Variants in GRM7 observed in about 807,000 individuals in gnomAD.
GRM7 encodes metabotropic glutamate receptor 7.
GRM7 carries 35 observed loss-of-function variants against 84.5 expected under a neutral mutation model. That is an observed-to-expected ratio of 0.41 (90% CI 0.32 to 0.55). The LOEUF is 0.55. Among genes scored for constraint, GRM7 ranks in the 20% least tolerant of loss-of-function variants. The pLI is 0.19. For missense variants in GRM7, 1,003 were observed against 1,194.6 expected, an observed-to-expected ratio of 0.84 and a Z score of 2.36; for synonymous variants, 487 against 455.1, an observed-to-expected ratio of 1.07 and a Z score of -0.89.
chr3:7,340,684 C>T (rs764656729), intron 4 of GRM7, among the ~76,000 whole-genome samples: 34 of 152,154 alleles, frequency 2.2e-4, no homozygotes, highest in Non-Finnish European at 4.0e-4. Context: ...CCCTTGCCCT[C>T]AACCATAATA....
intron 5 of GRM7, among the ~76,000 whole-genome samples, chr3:7,442,188 C>A (rs1435286304): frequency 6.6e-6 from 1 of 151,920 alleles, no homozygotes; most frequent in Non-Finnish European, 1.5e-5. Flanking sequence ...TTTTAGATAT[C>A]TTTCACCTCC....
chr3:7,375,489 A>G (rs1694312296), intron 4 of GRM7, among the ~76,000 whole-genome samples: 1 of 152,084 alleles, frequency 6.6e-6, no homozygotes, highest in African/African-American at 2.4e-5. Context: ...AAGTGCTGGG[A>G]TTACAGGCGT....
At chr3:7,405,824 CTCA>C (rs1477757367) in intron 4 of GRM7, among the ~76,000 whole-genome samples, 1 of 151,972 alleles carries the variant, frequency 6.6e-6, no homozygotes, top group Non-Finnish European at 1.5e-5. Flanking sequence ...TAAAATATCA[CTCA>C]TCATCTATTC....
intron 7 of GRM7, chr3:7,519,748 C>T (rs1700523898): frequency 6.6e-6 from 1 of 152,090 alleles, no homozygotes; most frequent in South Asian, 2.1e-4. Flanking sequence ...ATTTGTTTTG[C>T]TCATTAATCT....
At chr3:7,197,472 A>G (rs1311878598) in intron 2 of GRM7, among the ~76,000 whole-genome samples, 2 of 152,132 alleles carry the variant, frequency 1.3e-5, no homozygotes, top group Non-Finnish European at 2.9e-5. Context: ...GTTTCCCCAA[A>G]GCTGTGATCA....
intron 9 of GRM7, among the ~76,000 whole-genome samples, chr3:7,699,454 G>A (rs1043525708): frequency 1.3e-5 from 2 of 152,138 alleles, no homozygotes; most frequent in African/African-American, 4.8e-5. Flanking sequence ...AAAAGCCTAT[G>A]TACTTTCTAA....
intron 1 of GRM7, among the ~76,000 whole-genome samples, chr3:6,941,326 T>A (rs951874360): frequency 1.3e-5 from 2 of 152,230 alleles, no homozygotes; most frequent in African/African-American, 4.8e-5. Flanking sequence ...CCTTTCTTTA[T>A]CTACACTGAA....
intron 7 of GRM7, among the ~76,000 whole-genome samples, chr3:7,509,835 G>T (rs1172406275): frequency 2.2e-5 from 2 of 88,968 alleles, no homozygotes; most frequent in African/African-American, 4.2e-5. Flanking sequence ...AGTATCAGGG[G>T]ATTGAAAAAA....
chr3:7,504,337 C>T (rs1699975380), intron 7 of GRM7, among the ~76,000 whole-genome samples: 1 of 152,220 alleles, frequency 6.6e-6, no homozygotes, highest in African/African-American at 2.4e-5. Flanking sequence ...ATTCATGCCT[C>T]AGTTCTCCAA....
chr3:6,957,490 A>G (rs1157539636), intron 1 of GRM7, among the ~76,000 whole-genome samples: 1 of 152,246 alleles, frequency 6.6e-6, no homozygotes, highest in Admixed American at 6.5e-5. Flanking sequence ...CTTGTTTTGT[A>G]GTGTCCCATA....
intron 1 of GRM7, among the ~76,000 whole-genome samples, chr3:7,085,039 T>A (rs1225064364): frequency 6.6e-6 from 1 of 152,164 alleles, no homozygotes; most frequent in Non-Finnish European, 1.5e-5. Flanking sequence ...CCTCAGGTAG[T>A]ATTCCATATC....
chr3:7,232,935 G>T (rs1697240247), intron 2 of GRM7, among the ~76,000 whole-genome samples: 1 of 152,010 alleles, frequency 6.6e-6, no homozygotes, highest in African/African-American at 2.4e-5. Flanking sequence ...TAGACTTATG[G>T]GTACTTATGG....
At chr3:7,093,933 G>T (rs1433214360) in intron 1 of GRM7, among the ~76,000 whole-genome samples, 1 of 152,062 alleles carries the variant, frequency 6.6e-6, no homozygotes, top group African/African-American at 2.4e-5. Flanking sequence ...CTATTTATGG[G>T]ATTAAATTGC....
At chr3:7,449,965 G>C (rs1697699421) in intron 5 of GRM7, among the ~76,000 whole-genome samples, 1 of 151,892 alleles carries the variant, frequency 6.6e-6, no homozygotes, top group Admixed American at 6.6e-5. Flanking sequence ...CATTTTATTA[G>C]AAAGAAATGA....
rs369873530 is a variant in GRM7, at chr3:7,579,219, T to C, written c.2313T>C (p.Thr771=). ...GCATTCTTCTCATGGTCACATGTAC[T>C]GTGTATGCCATCAAGACTCGGGGTG... is the stretch of plus-strand genomic sequence containing the variant. ...GYSILLMVTC[T]VYAIKTRGVP... is the part of the protein sequence containing the mutation. The change falls in exon 8 of 10, where the codon ACT becomes ACC. Residue 771 remains threonine (T), a synonymous_variant. Coordinates refer to ENST00000357716, the MANE Select transcript of GRM7 (RefSeq NM_000844.4). 23 of 1,613,792 alleles carry C rather than the reference T, an allele frequency of 1.4e-5. No individual in the cohort carries two copies. The East Asian group carries it at 2.5e-4, about 17-fold the overall frequency.
chr3:7,202,367 G>A (rs1696095657), intron 2 of GRM7, among the ~76,000 whole-genome samples: 1 of 152,108 alleles, frequency 6.6e-6, no homozygotes, highest in Non-Finnish European at 1.5e-5. Flanking sequence ...GTCTCACTCT[G>A]TTGCCCAGGC....
intron 2 of GRM7, among the ~76,000 whole-genome samples, chr3:7,242,229 C>T (rs1386983006): frequency 6.6e-6 from 1 of 152,150 alleles, no homozygotes; most frequent in Non-Finnish European, 1.5e-5. Flanking sequence ...ATAGTACATG[C>T]TGTTTACTTC....
intron 2 of GRM7, among the ~76,000 whole-genome samples, chr3:7,230,508 TC>T (rs1663547275): frequency 6.6e-6 from 1 of 152,202 alleles, no homozygotes; most frequent in African/African-American, 2.4e-5. Context: ...GAGTGAAGGT[TC>T]ATTTTTTTAA....
chr3:7,325,299 A>C (rs1023570557), intron 4 of GRM7, among the ~76,000 whole-genome samples: 4 of 152,314 alleles, frequency 2.6e-5, no homozygotes, highest in African/African-American at 7.2e-5. Flanking sequence ...TTTGTGAACA[A>C]AAATACAAAG....
Sources: allele counts gnomAD v4.1 joint callset (sites outside exome capture counted in the v4.1 genomes callset), GRCh38; gene constraint gnomAD v4.1.1; transcripts MANE v1.5; gene names NCBI Gene and HGNC (gene_info 2026-07-23, HGNC 2026-07-21).